The following KCNIP4 variants were observed in gnomAD, a reference collection of about 807,000 sequenced individuals.
KCNIP4 encodes Kv channel-interacting protein 4.
A neutral mutation model predicts 34.0 loss-of-function variants in KCNIP4; 12 were observed. The ratio of observed to expected loss-of-function variants is 0.35; its 90% CI spans 0.23 to 0.57. The LOEUF is 0.57. Among genes scored for constraint, KCNIP4 ranks in the 20% least tolerant of loss-of-function variants. KCNIP4 has a pLI of 0.83. For missense variants in KCNIP4, 238 were observed against 311.7 expected (o/e 0.76, Z 1.78); for synonymous variants, 124 against 102.2 (o/e 1.21, Z -1.29).
chr4:21,675,764 G>T (rs1156495874), intron 1 of KCNIP4, among the ~76,000 whole-genome samples: 1 of 152,114 alleles, frequency 6.6e-6, no homozygotes, highest in Non-Finnish European at 1.5e-5. Context: ...GTAACTTGAG[G>T]ATGTCCATTG....
At chr4:21,340,208 T>G (rs1716614700) in intron 1 of KCNIP4, among the ~76,000 whole-genome samples, 1 of 152,128 alleles carries the variant, frequency 6.6e-6, no homozygotes, top group African/African-American at 2.4e-5. Flanking sequence ...TTATTATGTT[T>G]AAACTGTAAC....
At chr4:21,882,443 T>C (rs867766388) in intron 1 of KCNIP4, among the ~76,000 whole-genome samples, 1 of 152,130 alleles carries the variant, frequency 6.6e-6, no homozygotes, top group African/African-American at 2.4e-5. Context: ...TTTTGTGTTT[T>C]GAGACTTAGT....
intron 1 of KCNIP4, among the ~76,000 whole-genome samples, chr4:21,149,493 G>C (rs989903844): frequency 6.6e-6 from 1 of 152,136 alleles, no homozygotes; most frequent in African/African-American, 2.4e-5. Context: ...GTCTGCAGAA[G>C]TCTAGAATGA....
rs1578019211 is a variant in KCNIP4 at position 21,284,739 on chromosome 4, T to C, written c.62-402030A>G. On this transcript the variant is annotated intron_variant, in intron 1 of 8. Coordinates refer to ENST00000382152, the MANE Select transcript of KCNIP4 (RefSeq NM_025221.6). ...TACTGCGCATGTGGGTGCCCTTGTG[T>C]GTGTGTGTGTGTGTGTGTGTGCGTG... 2.0e-4 allele frequency among the ~76,000 whole-genome samples: 7 copies of C among 35,284 alleles called. No homozygotes were observed. In the East Asian group the frequency reaches 4.4e-3, roughly 22 times the overall value. 23.1% of individuals were successfully genotyped at this position (35,284 alleles called of 152,430 possible).
intron 1 of KCNIP4, among the ~76,000 whole-genome samples, chr4:21,030,808 A>C (rs1227459135): frequency 6.6e-6 from 1 of 152,176 alleles, no homozygotes; most frequent in Non-Finnish European, 1.5e-5. Flanking sequence ...GTGGTTTAGA[A>C]TTTGTGTAGC....
chr4:20,736,349 A>G (rs1192954755), intron 5 of KCNIP4, among the ~76,000 whole-genome samples: 1 of 151,934 alleles, frequency 6.6e-6, no homozygotes, highest in African/African-American at 2.4e-5. Flanking sequence ...TTTTCTCATC[A>G]TTATTTCTAG....
At chr4:20,968,929 A>G (rs2149673519) in intron 1 of KCNIP4, among the ~76,000 whole-genome samples, 1 of 152,276 alleles carries the variant, frequency 6.6e-6, no homozygotes, top group East Asian at 1.9e-4. Context: ...AGTATAATAA[A>G]AAATAAAAAT....
chr4:21,360,255 A>C (rs538233635), intron 1 of KCNIP4, among the ~76,000 whole-genome samples: 9 of 152,130 alleles, frequency 5.9e-5, no homozygotes, highest in Non-Finnish European at 1.2e-4. Context: ...AACAACAAAA[A>C]TAATTTTGAT....
At chr4:21,074,174 C>T (rs1328556111) in intron 1 of KCNIP4, among the ~76,000 whole-genome samples, 1 of 152,154 alleles carries the variant, frequency 6.6e-6, no homozygotes, top group African/African-American at 2.4e-5. Flanking sequence ...GGAGGATTCC[C>T]TCTTTTTCTT....
intron 1 of KCNIP4, among the ~76,000 whole-genome samples, chr4:21,490,177 A>G (rs894984429): frequency 1.3e-5 from 2 of 152,152 alleles, no homozygotes; most frequent in Non-Finnish European, 2.9e-5. Flanking sequence ...ATTCATTTTC[A>G]TAAACTTATA....
At chr4:21,736,556 T>C (rs2044806) in intron 1 of KCNIP4, among the ~76,000 whole-genome samples, 18,069 of 152,062 alleles carry the variant, frequency 0.12, 3,654 homozygotes, top group African/African-American at 0.41. Context: ...AATGCCCACA[T>C]TTTGAGGCTT....
intron 1 of KCNIP4, among the ~76,000 whole-genome samples, chr4:21,650,528 C>G (rs1747405423): frequency 6.6e-6 from 1 of 152,118 alleles, no homozygotes; most frequent in South Asian, 2.1e-4. Flanking sequence ...CTCTAAATAA[C>G]CTGTGCAAGT....
intron 1 of KCNIP4, among the ~76,000 whole-genome samples, chr4:21,643,791 T>C (rs1746794534): frequency 6.6e-6 from 1 of 152,010 alleles, no homozygotes; most frequent in Non-Finnish European, 1.5e-5. Context: ...TTTTGACTTG[T>C]TGGCCTCCAT....
chr4:21,428,411 TTAAG>T, intron 1 of KCNIP4, among the ~76,000 whole-genome samples: 1 of 152,222 alleles, frequency 6.6e-6, no homozygotes, highest in South Asian at 2.1e-4. Context: ...CAAATAAAAG[TTAAG>T]TTTCTTCAAC....
In KCNIP4 at chr4:20,961,853, A is replaced by G. The variant is rs111305172; in HGVS notation, c.62-79144T>C. On this transcript the variant is annotated intron_variant, in intron 1 of 8. Transcript: ENST00000382152. ...ATACACAACTTGGGAATATCTGCACATACTTTGATTAGAAGTGAGTTTATA... is the reference window on the plus strand; with the variant it reads ...ATACACAACTTGGGAATATCTGCACGTACTTTGATTAGAAGTGAGTTTATA... Among the ~76,000 whole-genome samples the G allele has an allele frequency of 1.7e-3, 254 of 152,372 alleles. 1 individual carries two copies. Among genetic ancestry groups the G allele is most frequent in the African/African-American group, 5.7e-3 (239 of 41,594 alleles).
At chr4:21,117,571 A>G (rs1749802897) in intron 1 of KCNIP4, among the ~76,000 whole-genome samples, 1 of 152,152 alleles carries the variant, frequency 6.6e-6, no homozygotes, top group Non-Finnish European at 1.5e-5. Flanking sequence ...ACCTGTTGCC[A>G]AAGAGTTAAT....
At chr4:21,868,832 A>G (rs967985628) in intron 1 of KCNIP4, among the ~76,000 whole-genome samples, 8 of 152,230 alleles carry the variant, frequency 5.3e-5, no homozygotes, top group Admixed American at 4.6e-4. Context: ...ACATAATGCC[A>G]TAAAGAAAAA....
intron 1 of KCNIP4, among the ~76,000 whole-genome samples, chr4:21,214,252 T>C (rs1255756006): frequency 1.3e-5 from 2 of 152,228 alleles, no homozygotes; most frequent in African/African-American, 2.4e-5. Context: ...ACAATAAACA[T>C]GTGTGAGCCA....
intron 1 of KCNIP4, among the ~76,000 whole-genome samples, chr4:21,455,838 T>TAACTAATTTTTTACAGAATGA (rs1560422979): frequency 1.1e-4 from 13 of 114,886 alleles, no homozygotes; most frequent in Non-Finnish European, 1.5e-4. Flanking sequence ...TATATATATA[T>TAACTAATTTTTTACAGAATGA]ATATATATAT....
Sources: allele counts gnomAD v4.1 joint callset (sites outside exome capture counted in the v4.1 genomes callset), GRCh38; gene constraint gnomAD v4.1.1; transcripts MANE v1.5; gene names NCBI Gene and HGNC (gene_info 2026-07-23, HGNC 2026-07-21).